The following KATNIP variants were observed in gnomAD, a reference collection of about 807,000 sequenced individuals.
The protein encoded by KATNIP is katanin-interacting protein.
In KATNIP, 126 loss-of-function variants were observed where a neutral mutation model predicts 174.0. The observed-to-expected ratio is 0.72, with a 90% CI of 0.63 to 0.84. The LOEUF (loss-of-function observed/expected upper bound fraction) is 0.84, where lower values mean the gene tolerates loss of function less well. KATNIP is among the 40% of genes least tolerant of loss of function. The probability of loss-of-function intolerance (pLI) is 0.00; values close to 1 mark genes in which losing one functional copy is unlikely to be tolerated. For synonymous variants in KATNIP, 810 were observed against 835.7 expected (o/e 0.97, Z 0.53); for missense variants, 1,958 against 2,109.7 (o/e 0.93, Z 1.41).
chr16:27,763,619 CAAAAAAA>C (rs565418198), intron 19 of KATNIP, among the ~76,000 whole-genome samples: 122 of 50,706 alleles, frequency 2.4e-3, no homozygotes, highest in Non-Finnish European at 3.8e-3. Context: ...TGTCTCAACA[CAAAAAAA>C]AAAAAAAAAA....
chr16:27,769,967 T>A lies in KATNIP; in HGVS notation c.4082T>A (p.Ile1361Asn). ...GNCHFDFAQE[I>N]LFVDYLRAQL... Reference sequence around the variant, plus strand: ...TGCCACTTTGATTTTGCTCAAGAAATCCTCTTCGTGGACTACCTACGGGCT... The same window carrying A: ...TGCCACTTTGATTTTGCTCAAGAAAACCTCTTCGTGGACTACCTACGGGCT... Residue 1361 changes from isoleucine (I) to asparagine (N), a missense_variant, in exon 21 of 28, where the codon ATC (isoleucine) becomes AAC (asparagine). Around this residue, in one of 3 missense-constraint regions of KATNIP, gnomAD observed 383 missense variants for 456.0 expected, o/e 0.84. Transcript: ENST00000261588. 1 of 1,614,200 alleles carries A rather than the reference T, an allele frequency of 6.2e-7. No individual in the cohort carries two copies. The highest frequency in any genetic ancestry group is 8.5e-7 in the Non-Finnish European group (1 of 1,180,034).
At chr16:27,712,829 A>G (rs2079635468) in intron 13 of KATNIP, among the ~76,000 whole-genome samples, 1 of 152,068 alleles carries the variant, frequency 6.6e-6, no homozygotes, top group Non-Finnish European at 1.5e-5. Context: ...TTTTAGAGAC[A>G]GGGTCTTGCT....
At chr16:27,694,561 C>T (rs1211457520) in intron 8 of KATNIP, among the ~76,000 whole-genome samples, 1 of 151,962 alleles carries the variant, frequency 6.6e-6, no homozygotes. Flanking sequence ...TTTGGGAGGC[C>T]GAGGTGGGTG....
intron 15 of KATNIP, among the ~76,000 whole-genome samples, chr16:27,746,353 T>G (rs145662641): frequency 6.6e-6 from 1 of 152,192 alleles, no homozygotes; most frequent in African/African-American, 2.4e-5. Context: ...CGAGAATCCA[T>G]CTGGGTAGTT....
intron 2 of KATNIP, among the ~76,000 whole-genome samples, chr16:27,598,243 C>CAAA (rs10635648): frequency 1.3e-3 from 191 of 142,540 alleles, no homozygotes; most frequent in East Asian, 3.3e-3. Context: ...GACTCCATCT[C>CAAA]AAAAAAAAAA....
At chr16:27,570,739 C>T (rs1005132151) in intron 1 of KATNIP, among the ~76,000 whole-genome samples, 5 of 152,060 alleles carry the variant, frequency 3.3e-5, no homozygotes, top group Admixed American at 6.5e-5. Flanking sequence ...AACTCGCCAC[C>T]GTGAAGTCAT....
intron 2 of KATNIP, among the ~76,000 whole-genome samples, chr16:27,606,198 T>C (rs2075698684): frequency 6.6e-6 from 1 of 152,124 alleles, no homozygotes; most frequent in South Asian, 2.1e-4. Flanking sequence ...GAGGACGGGC[T>C]CCACAGCGCT....
intron 2 of KATNIP, among the ~76,000 whole-genome samples, chr16:27,583,062 C>T (rs1438132171): frequency 6.6e-6 from 1 of 152,154 alleles, no homozygotes; most frequent in African/African-American, 2.4e-5. Flanking sequence ...GAGATGTGTA[C>T]ACAAACACCC....
chr16:27,648,476 C>G (rs2077025636), intron 5 of KATNIP, 128 bp from the exon 6 acceptor site: 7 of 1,105,284 alleles, frequency 6.3e-6, no homozygotes, highest in Non-Finnish European at 9.1e-6. Flanking sequence ...CTGTTGCATG[C>G]AGGCACACCA....
At position 27,582,070 on chromosome 16, in the gene KATNIP, C is replaced by T. The variant is rs778001473; in HGVS notation, c.63+8114C>T. 6.6e-5 allele frequency among the ~76,000 whole-genome samples: 10 copies of T among 152,074 alleles called. No homozygotes were observed. In the East Asian group the frequency reaches 1.3e-3, roughly 20 times the overall value. On this transcript the variant is annotated intron_variant, in intron 2 of 27. Transcript: ENST00000261588. ...ATTTCTGCAAGCCATCTCTTGCAGCCCTGAGCTCGTAAGATTTGTCTTGGC... is the reference window on the plus strand; with the variant it reads ...ATTTCTGCAAGCCATCTCTTGCAGCTCTGAGCTCGTAAGATTTGTCTTGGC...
chr16:27,702,584 G>A (rs377756217), intron 11 of KATNIP, among the ~76,000 whole-genome samples: 3 of 152,184 alleles, frequency 2.0e-5, no homozygotes, highest in Non-Finnish European at 4.4e-5. Context: ...AGGCGAGAAG[G>A]GGCTGAAATC....
chr16:27,761,875 G>C (rs1291248639), intron 19 of KATNIP, among the ~76,000 whole-genome samples: 3 of 152,190 alleles, frequency 2.0e-5, no homozygotes, highest in Non-Finnish European at 4.4e-5. Context: ...TTTCTTCTCT[G>C]TGCTTAGCAG....
At chr16:27,773,625 T>C (rs1023404046) in intron 23 of KATNIP, among the ~76,000 whole-genome samples, 3 of 152,208 alleles carry the variant, frequency 2.0e-5, no homozygotes, top group Non-Finnish European at 4.4e-5. Flanking sequence ...ACACCAGAAT[T>C]TGCAGACTGT....
intron 5 of KATNIP, among the ~76,000 whole-genome samples, chr16:27,633,027 G>A (rs932954349): frequency 8.5e-5 from 13 of 152,084 alleles, no homozygotes; most frequent in Non-Finnish European, 1.3e-4. Context: ...TGGGATTACA[G>A]GCATGAGCCA....
At chr16:27,766,933 G>C (rs1331883869) in intron 20 of KATNIP, among the ~76,000 whole-genome samples, 2 of 152,176 alleles carry the variant, frequency 1.3e-5, no homozygotes, top group Admixed American at 6.5e-5. Context: ...AGGCCACACA[G>C]CTGGAGTCTC....
At position 27,586,980 on chromosome 16, in the gene KATNIP, C is replaced by T. The variant is rs190801114; in HGVS notation, c.63+13024C>T. Among the ~76,000 whole-genome samples the T allele has an allele frequency of 2.7e-5, 4 of 149,168 alleles. No homozygotes were observed. The East Asian group carries it at 5.9e-4, about 22-fold the overall frequency. ...TAAAAAATACATTGTTTGGGCCACT[C>T]GTGCTTTATTGAAGTCCTGGGAGAT... On this transcript the variant is annotated intron_variant, in intron 2 of 27. Coordinates refer to ENST00000261588, the MANE Select transcript of KATNIP (RefSeq NM_015202.5).
intron 22 of KATNIP, among the ~76,000 whole-genome samples, chr16:27,772,084 C>T (rs1030969427): frequency 1.3e-5 from 2 of 152,106 alleles, no homozygotes; most frequent in African/African-American, 4.8e-5. Flanking sequence ...TGAGACTAGC[C>T]TGGGCAACAT....
At chr16:27,720,751 A>T (rs1449037489) in intron 13 of KATNIP, among the ~76,000 whole-genome samples, 8 of 152,154 alleles carry the variant, frequency 5.3e-5, no homozygotes, top group Non-Finnish European at 8.8e-5. Flanking sequence ...AAGCAAGCAG[A>T]GGCCCAGCCT....
chr16:27,740,891 G>T lies in KATNIP; in HGVS notation c.2594G>T (p.Ser865Ile), dbSNP rs755503935. The change falls in exon 15 of 28, where the codon AGT becomes ATT. Residue 865 changes from serine to isoleucine, a missense_variant. By Grantham distance (142) the Ser-to-Ile change is moderately radical. Coordinates refer to ENST00000261588, the MANE Select transcript of KATNIP (RefSeq NM_015202.5). ...TCAAGGAAGGATGCTGGCAGCAGTA[G>T]TCATGGGGACGACCAGCCAGCCAGC... The part of the protein sequence containing the change: ...RGSRKDAGSS[S>I]HGDDQPASRE... The T allele has an allele frequency of 6.2e-7, 1 of 1,603,584 alleles. No homozygotes were observed. Among genetic ancestry groups the T allele is most frequent in the South Asian group, 1.1e-5 (1 of 89,230 alleles).
Sources: gnomAD v4.1 joint callset for allele counts (sites outside exome capture counted in the v4.1 genomes callset) on GRCh38, gnomAD v4.1.1 for gene constraint, gnomAD v4.1.1 regional missense constraint, MANE v1.5 for transcripts, NCBI Gene and HGNC (gene_info 2026-07-23, HGNC 2026-07-21) for gene names.